SEPTIN4: variants seen among roughly 807,000 people sequenced by gnomAD.
SEPTIN4 encodes the protein septin-4.
SEPTIN4 carries 52 observed loss-of-function variants against 107.1 expected under a neutral mutation model. The observed-to-expected ratio is 0.49, with a 90% CI of 0.39 to 0.61. SEPTIN4 has a LOEUF of 0.61. Among genes scored for constraint, SEPTIN4 ranks in the 20% least tolerant of loss-of-function variants. The pLI, the probability that SEPTIN4 is intolerant of heterozygous loss-of-function variation, is 0.00. For synonymous variants in SEPTIN4, 417 were observed against 467.0 expected (o/e 0.89, Z 1.38); for missense variants, 1,048 against 1,243.5 (o/e 0.84, Z 2.36).
intron 1 of SEPTIN4, among the ~76,000 whole-genome samples, chr17:58,542,409 G>A (rs1008294817): frequency 1.3e-5 from 2 of 152,084 alleles, no homozygotes; most frequent in Admixed American, 6.5e-5. Flanking sequence ...AATGCCTGTC[G>A]CCCGGCCCAA....
At chr17:58,539,205 A>C in intron 3 of SEPTIN4, 1 of 1,524,952 alleles carries the variant, frequency 6.6e-7, no homozygotes, top group Non-Finnish European at 8.8e-7. Flanking sequence ...ACAGGGCTGG[A>C]GAGCTGTAAT....
At chr17:58,537,949 C>T (rs769578576) in intron 3 of SEPTIN4, among the ~76,000 whole-genome samples, 12 of 151,874 alleles carry the variant, frequency 7.9e-5, no homozygotes, top group Non-Finnish European at 1.6e-4. Context: ...AAGAGAAATG[C>T]CGGGTGCAGT....
chr17:58,521,260 C>T lies in SEPTIN4; in HGVS notation c.2662G>A (p.Val888Met), dbSNP rs1326720798. The change falls in exon 11 of 14, where the codon GTG becomes ATG. Residue 888 changes from valine to methionine, a missense_variant. Val to Met is a conservative substitution (Grantham distance 21). Around this residue, in one of 2 missense-constraint regions of SEPTIN4, gnomAD observed 261 missense variants for 371.7 expected, o/e 0.70. Transcript: ENST00000672673. The surrounding 1 kb of genome is among the most constrained non-coding windows in gnomAD (Gnocchi z 6.4). ...CACAGGCTCAGTGCTTTACCTTCCA[C>T]GATGCCCCAGGGGTAGAGTCGACCC... Reference protein sequence around the residue: ...VRGRLYPWGIVEVENPGHCDF... With the variant: ...VRGRLYPWGIMEVENPGHCDF... 4 of 1,614,220 alleles carry T rather than the reference C, an allele frequency of 2.5e-6. No individual in the cohort carries two copies. The highest frequency in any genetic ancestry group is 2.5e-6 in the Non-Finnish European group (3 of 1,180,030).
At chr17:58,534,925 G>A (rs1275504282) in intron 3 of SEPTIN4, among the ~76,000 whole-genome samples, 1 of 152,192 alleles carries the variant, frequency 6.6e-6, no homozygotes, top group Non-Finnish European at 1.5e-5. Flanking sequence ...AATTACCACA[G>A]GAAATCAGGA....
At chr17:58,532,449 G>A (rs1310926489) in intron 3 of SEPTIN4, among the ~76,000 whole-genome samples, 1 of 152,162 alleles carries the variant, frequency 6.6e-6, no homozygotes, top group Non-Finnish European at 1.5e-5. Context: ...GTTACCGCAG[G>A]GATTCAACAA....
intron 3 of SEPTIN4, chr17:58,528,137 G>T (rs547632060): frequency 1.5e-6 from 1 of 679,020 alleles, no homozygotes; most frequent in Non-Finnish European, 1.8e-6. Flanking sequence ...CTCTCTGAGG[G>T]TTAGCCAAGC....
intron 7 of SEPTIN4, among the ~76,000 whole-genome samples, chr17:58,523,687 T>C (rs1031907926): frequency 3.3e-5 from 5 of 151,866 alleles, no homozygotes; most frequent in Admixed American, 6.6e-5. Flanking sequence ...TCTAGCTGAT[T>C]TGATGCTCTG....
chr17:58,534,776 C>A (rs2043651673), intron 3 of SEPTIN4, among the ~76,000 whole-genome samples: 1 of 152,188 alleles, frequency 6.6e-6, no homozygotes, highest in Non-Finnish European at 1.5e-5. Context: ...TTAGGTCAGG[C>A]CAACATGATA....
intron 2 of SEPTIN4, among the ~76,000 whole-genome samples, chr17:58,541,198 G>C (rs2043867268): frequency 6.6e-6 from 1 of 152,200 alleles, no homozygotes; most frequent in South Asian, 2.1e-4. Context: ...CCCAGGAACT[G>C]CTTTATCCAT....
At position 58,543,880 on chromosome 17, in the gene SEPTIN4, G is replaced by A; in HGVS notation, c.307C>T (p.His103Tyr). The A allele has an allele frequency of 6.2e-7, 1 of 1,614,144 alleles. No homozygotes were observed. The highest frequency in any genetic ancestry group is 8.5e-7 in the Non-Finnish European group (1 of 1,180,000). Residue 103 changes from histidine (H) to tyrosine (Y), a missense_variant, in exon 1 of 14, where the codon CAT (histidine) becomes TAT (tyrosine). Coordinates refer to ENST00000672673, the MANE Select transcript of SEPTIN4 (RefSeq NM_001368771.2). ...RTESSRHSSP[H>Y]LKSQKTQTLA... The stretch of plus-strand genomic sequence containing the variant: ...GTCTGAGTCTTCTGGCTCTTTAGAT[G>A]GGGAGAGGAATGGCGGGATGATTCT...
intron 5 of SEPTIN4, 84 bp from the exon 6 acceptor site, chr17:58,525,865 G>C (rs2042801598): frequency 6.8e-6 from 8 of 1,179,678 alleles, no homozygotes; most frequent in Admixed American, 1.9e-5. Flanking sequence ...AGGTTTAGGG[G>C]GGACTGCTTT....
At chr17:58,535,228 T>G (rs1156937234) in intron 3 of SEPTIN4, among the ~76,000 whole-genome samples, 1 of 152,182 alleles carries the variant, frequency 6.6e-6, no homozygotes, top group African/African-American at 2.4e-5. Context: ...GGGGCAGGCA[T>G]AAGGTGTGGG....
chr17:58,526,629 C>G (rs1336322772), intron 4 of SEPTIN4, 53 bp downstream of exon 4: 3 of 1,524,836 alleles, frequency 2.0e-6, no homozygotes, highest in East Asian at 4.5e-5. Context: ...TCCCTGCCCC[C>G]GGTCTTCCTG....
Position 58,527,748 on chromosome 17 carries a change from G to T in SEPTIN4, c.1615-770C>A, listed in dbSNP as rs1027724560. ...AGGGAGGATGGAAGAGCCTGGGAAA[G>T]GCTGGGCCTCCAGAGCTTCTGACAG... On this transcript the variant is annotated intron_variant, in intron 3 of 13. Transcript: ENST00000672673. 31 of 762,358 alleles carry T rather than the reference G, an allele frequency of 4.1e-5. No individual in the cohort carries two copies. In the African/African-American group the frequency reaches 5.5e-4, roughly 14 times the overall value. The allele number at this position is 762,358 out of a possible 1,614,324, so 47.2% of individuals were successfully genotyped here. A position where few individuals can be genotyped will look rare whatever the true frequency, so the allele number is the denominator to read the frequency against.
At chr17:58,526,016 C>G (rs1450793890) in intron 5 of SEPTIN4, among the ~76,000 whole-genome samples, 1 of 152,070 alleles carries the variant, frequency 6.6e-6, no homozygotes, top group Non-Finnish European at 1.5e-5. Context: ...GTCAGATGCT[C>G]TTTGCAACCA....
At chr17:58,524,872 G>T in intron 7 of SEPTIN4, 1 of 624,846 alleles carries the variant, frequency 1.6e-6, no homozygotes, top group Non-Finnish European at 2.8e-6. Context: ...GGGCAGAATT[G>T]GAAGGAACAT....
Position 58,532,186 on chromosome 17 carries a change from TG to T in SEPTIN4, c.1615-5209del, listed in dbSNP as rs555438003. The T allele has an allele frequency of 1.6e-4, 137 of 837,730 alleles. 1 individual carries two copies. The East Asian group carries it at 8.1e-3, about 50-fold the overall frequency. The allele number at this position is 837,730 out of a possible 1,614,324, so 51.9% of individuals were successfully genotyped here. ...CGCGAAGTGGGTCGGGGTGCCCAGC[TG>T]GGGGCCGGCCTCGCAGCCCGCGACC... On this transcript the variant is annotated intron_variant, in intron 3 of 13. Transcript: ENST00000672673.
At chr17:58,524,073 C>A (rs2042567427) in intron 7 of SEPTIN4, among the ~76,000 whole-genome samples, 1 of 152,174 alleles carries the variant, frequency 6.6e-6, no homozygotes, top group Non-Finnish European at 1.5e-5. Context: ...AAATGCCAAT[C>A]AAGATTTGAA....
rs1245765894 is a variant in SEPTIN4 at position 58,541,779 on chromosome 17, A to G, written c.1606+143T>C. 1.9e-6 allele frequency: 3 copies of G among 1,593,038 alleles called. No individual in the cohort carries two copies. In the Admixed American group the frequency reaches 5.3e-5, roughly 28 times the overall value. ...ATGGTGAAATTTTCAGCAAGATGAGAAGTTCCTCTGCTTCTTCAGGTCAAA... is the reference window on the plus strand; with the variant it reads ...ATGGTGAAATTTTCAGCAAGATGAGGAGTTCCTCTGCTTCTTCAGGTCAAA... On this transcript the variant is annotated intron_variant, in intron 2 of 13. Coordinates refer to ENST00000672673, the MANE Select transcript of SEPTIN4 (RefSeq NM_001368771.2).
Sources: gnomAD v4.1 joint callset for allele counts (sites outside exome capture counted in the v4.1 genomes callset) on GRCh38, gnomAD v4.1.1 for gene constraint, gnomAD v4.1.1 regional missense constraint, Gnocchi (gnomAD v3.1) non-coding constraint, MANE v1.5 for transcripts, NCBI Gene and HGNC (gene_info 2026-07-23, HGNC 2026-07-21) for gene names.